Variants in DNER observed in about 807,000 individuals in gnomAD.
The protein encoded by DNER is delta and Notch-like epidermal growth factor-related receptor.
Under a neutral mutation model 78.2 loss-of-function variants are expected in DNER, and 33 were observed. The observed-to-expected ratio is 0.42, with a 90% CI of 0.32 to 0.56. The LOEUF (loss-of-function observed/expected upper bound fraction) is 0.56. Ranked by LOEUF, DNER falls within the 20% of genes least tolerant of loss-of-function variation. The pLI, the probability that DNER is intolerant of heterozygous loss-of-function variation, is 0.11. For synonymous variants in DNER, 417 were observed against 384.8 expected (o/e 1.08, Z -0.98); for missense variants, 918 against 975.3 (o/e 0.94, Z 0.78).
At chr2:229,522,721 G>T (rs548436878) in intron 5 of DNER, among the ~76,000 whole-genome samples, 1 of 152,146 alleles carries the variant, frequency 6.6e-6, no homozygotes, top group Non-Finnish European at 1.5e-5. Context: ...AAGTTACCTC[G>T]GATGGGAGCA....
Position 229,437,593 on chromosome 2 carries a change from C to T in DNER, c.1486+9723G>A, listed in dbSNP as rs550373566. Among the ~76,000 whole-genome samples the T allele has an allele frequency of 9.2e-5, 14 of 152,300 alleles. No individual in the cohort carries two copies. The South Asian group carries it at 2.9e-3, about 32-fold the overall frequency. On this transcript the variant is annotated intron_variant, in intron 8 of 12. Transcript: ENST00000341772. Reference sequence around the variant, plus strand: ...TAGACTACCATAAGTCACAATATATCTCAAACATCACCTATAATGGCACAT... The same window carrying T: ...TAGACTACCATAAGTCACAATATATTTCAAACATCACCTATAATGGCACAT...
chr2:229,671,212 T>C (rs947372441), intron 1 of DNER, among the ~76,000 whole-genome samples: 11 of 152,180 alleles, frequency 7.2e-5, no homozygotes, highest in African/African-American at 2.7e-4. Flanking sequence ...ACATTGCTGT[T>C]GCCCAAACAG....
intron 1 of DNER, among the ~76,000 whole-genome samples, chr2:229,687,415 C>A (rs935053575): frequency 6.6e-6 from 1 of 151,934 alleles, no homozygotes; most frequent in Non-Finnish European, 1.5e-5. Context: ...AGGCGTCTAC[C>A]ACCACACCCA....
intron 6 of DNER, among the ~76,000 whole-genome samples, chr2:229,477,823 T>C (rs1695068383): frequency 1.3e-5 from 2 of 152,216 alleles, no homozygotes. Flanking sequence ...TATATTTTTA[T>C]TTATACCTAC....
At chr2:229,368,437 C>A (rs1186597074) in intron 11 of DNER, among the ~76,000 whole-genome samples, 1 of 152,102 alleles carries the variant, frequency 6.6e-6, no homozygotes, top group African/African-American at 2.4e-5. Context: ...ATTCCACCAG[C>A]AACAGCATAA....
At chr2:229,567,955 C>T (rs1246919795) in intron 4 of DNER, among the ~76,000 whole-genome samples, 1 of 152,158 alleles carries the variant, frequency 6.6e-6, no homozygotes, top group South Asian at 2.1e-4. Context: ...AATCCCTCTC[C>T]CTCACAGTCT....
chr2:229,423,621 A>G (rs898849783), intron 8 of DNER, among the ~76,000 whole-genome samples: 2 of 152,104 alleles, frequency 1.3e-5, no homozygotes, highest in African/African-American at 4.8e-5. Context: ...TCTCAAAAAA[A>G]AAAAAAAAAA....
At chr2:229,421,474 A>G (rs1693762298) in intron 8 of DNER, among the ~76,000 whole-genome samples, 1 of 150,016 alleles carries the variant, frequency 6.7e-6, no homozygotes, top group Non-Finnish European at 1.5e-5. Context: ...AAATATACAT[A>G]TTTTAACCAC....
chr2:229,459,386 C>T (rs1217276258), intron 7 of DNER, among the ~76,000 whole-genome samples: 1 of 151,980 alleles, frequency 6.6e-6, no homozygotes, highest in African/African-American at 2.4e-5. Context: ...TATAGTTGTA[C>T]TAGTAGAAAT....
intron 1 of DNER, among the ~76,000 whole-genome samples, chr2:229,623,822 C>A (rs1698291916): frequency 1.3e-5 from 2 of 152,188 alleles, no homozygotes; most frequent in Non-Finnish European, 2.9e-5. Flanking sequence ...GCCAAGGAAC[C>A]CCCAGCTCCT....
intron 4 of DNER, among the ~76,000 whole-genome samples, chr2:229,576,967 G>A (rs1412318052): frequency 6.6e-6 from 1 of 152,156 alleles, no homozygotes; most frequent in East Asian, 1.9e-4. Flanking sequence ...GAACTAATGG[G>A]ACTATCATGA....
intron 8 of DNER, among the ~76,000 whole-genome samples, chr2:229,425,855 C>T (rs115470869): frequency 1.4e-3 from 217 of 152,320 alleles, no homozygotes; most frequent in African/African-American, 5.1e-3. Flanking sequence ...GACCATGGTG[C>T]TGTGATCAGG....
chr2:229,608,031 A>AAG (rs567448715), intron 1 of DNER, among the ~76,000 whole-genome samples: 18 of 151,312 alleles, frequency 1.2e-4, no homozygotes, highest in Admixed American at 3.3e-4. Flanking sequence ...CAAAAAAAAA[A>AAG]AAAAAAAAAA....
At chr2:229,397,683 C>T (rs1033061874) in intron 10 of DNER, among the ~76,000 whole-genome samples, 2 of 151,924 alleles carry the variant, frequency 1.3e-5, no homozygotes, top group Non-Finnish European at 2.9e-5. Context: ...TGTTCTCTCA[C>T]CGTAATTAAA....
chr2:229,423,678 A>G (rs895585944), intron 8 of DNER, among the ~76,000 whole-genome samples: 1 of 152,172 alleles, frequency 6.6e-6, no homozygotes, highest in African/African-American at 2.4e-5. Context: ...AACCAAGAGA[A>G]GATTGTACCA....
intron 1 of DNER, among the ~76,000 whole-genome samples, chr2:229,678,490 A>C (rs1699333360): frequency 1.3e-5 from 2 of 152,062 alleles, no homozygotes; most frequent in Non-Finnish European, 1.5e-5. Context: ...GTTATTAAAA[A>C]GGTGTCCTGT....
intron 7 of DNER, among the ~76,000 whole-genome samples, chr2:229,473,323 C>A (rs187414884): frequency 1.3e-5 from 2 of 152,270 alleles, no homozygotes; most frequent in African/African-American, 4.8e-5. Flanking sequence ...CAAAGATAAT[C>A]TTTAAAAATA....
chr2:229,635,405 T>C (rs1417164585), intron 1 of DNER, among the ~76,000 whole-genome samples: 2 of 137,116 alleles, frequency 1.5e-5, no homozygotes, highest in African/African-American at 2.7e-5. Context: ...TGATTAGCAA[T>C]GTCTACCAAG....
intron 1 of DNER, among the ~76,000 whole-genome samples, chr2:229,688,884 C>T (rs1449277558): frequency 6.6e-6 from 1 of 152,112 alleles, no homozygotes; most frequent in Admixed American, 6.5e-5. Context: ...CAAACTAACA[C>T]AGGAACAGAA....
Sources: gnomAD v4.1 joint callset for allele counts (sites outside exome capture counted in the v4.1 genomes callset) on GRCh38, gnomAD v4.1.1 for gene constraint, MANE v1.5 for transcripts, NCBI Gene and HGNC (gene_info 2026-07-23, HGNC 2026-07-21) for gene names.